LRIG3: variants seen among roughly 807,000 people sequenced by gnomAD.
The protein encoded by LRIG3 is leucine-rich repeats and immunoglobulin-like domains protein 3.
LRIG3 carries 76 observed loss-of-function variants against 114.5 expected under a neutral mutation model. The observed-to-expected ratio is 0.66, with a 90% CI of 0.55 to 0.80. The LOEUF is 0.80. Ranked by LOEUF, LRIG3 falls within the 30% of genes least tolerant of loss-of-function variation. LRIG3 has a pLI of 0.00. For missense variants in LRIG3, 1,239 were observed against 1,382.8 expected, an observed-to-expected ratio of 0.90 and a Z score of 1.65; for synonymous variants, 512 against 519.8, an observed-to-expected ratio of 0.98 and a Z score of 0.20.
chr12:58,916,194 C>A (rs1342646030), intron 1 of LRIG3, among the ~76,000 whole-genome samples: 2 of 152,100 alleles, frequency 1.3e-5, no homozygotes, highest in African/African-American at 4.8e-5. Context: ...AAGATTCCTC[C>A]TACAAAAGAC....
At chr12:58,907,198 A>C (rs1872099013) in intron 3 of LRIG3, among the ~76,000 whole-genome samples, 1 of 152,156 alleles carries the variant, frequency 6.6e-6, no homozygotes, top group Non-Finnish European at 1.5e-5. Flanking sequence ...TGTTCAGAGC[A>C]CCTTGAAAGT....
chr12:58,888,602 C>T (rs183907015), intron 6 of LRIG3, 130 bp from the exon 7 acceptor site: 201 of 1,314,078 alleles, frequency 1.5e-4, no homozygotes, highest in Middle Eastern at 2.3e-4. Context: ...TATATGAAGA[C>T]GTCAGCAAAA....
rs555255259 is a variant in LRIG3, at chr12:58,885,087, T to G, written c.1244+744A>C. ...AGGAGTTACTAGGAGCTACTGGGAG[T>G]AGCGGCAGAGATTGTACAGGCAAGA... On this transcript the variant is annotated intron_variant, in intron 10 of 18. Transcript: ENST00000320743. 1.1e-4 allele frequency among the ~76,000 whole-genome samples: 16 copies of G among 152,016 alleles called. No individual in the cohort carries two copies. The South Asian group carries it at 2.9e-3, about 28-fold the overall frequency.
At chr12:58,906,272 CT>C (rs1403194363) in intron 3 of LRIG3, among the ~76,000 whole-genome samples, 2 of 152,156 alleles carry the variant, frequency 1.3e-5, no homozygotes, top group Non-Finnish European at 1.5e-5. Context: ...TAAAAGTTCC[CT>C]TTTTTTAAAA....
chr12:58,909,684 CATT>C (rs1320045520), intron 3 of LRIG3, among the ~76,000 whole-genome samples: 1 of 152,236 alleles, frequency 6.6e-6, no homozygotes, highest in Admixed American at 6.5e-5. Context: ...TAGACATCAG[CATT>C]ATTCTCATTT....
chr12:58,916,406 C>A (rs112063921), intron 1 of LRIG3, among the ~76,000 whole-genome samples: 27 of 152,260 alleles, frequency 1.8e-4, no homozygotes, highest in Middle Eastern at 3.4e-3. Context: ...CTGCTAAATA[C>A]TTACAGCTAT....
At chr12:58,918,335 G>A (rs982158931) in intron 1 of LRIG3, among the ~76,000 whole-genome samples, 1 of 152,262 alleles carries the variant, frequency 6.6e-6, no homozygotes, top group Admixed American at 6.5e-5. Context: ...CTACTTTTAA[G>A]ACAATGTTTA....
At chr12:58,918,231 A>T (rs1872548058) in intron 1 of LRIG3, among the ~76,000 whole-genome samples, 1 of 152,208 alleles carries the variant, frequency 6.6e-6, no homozygotes, top group Admixed American at 6.5e-5. Context: ...CTGCTGGTGG[A>T]AATGTAATTA....
chr12:58,895,689 G>A (rs1871615788), intron 3 of LRIG3, among the ~76,000 whole-genome samples: 1 of 152,180 alleles, frequency 6.6e-6, no homozygotes, highest in South Asian at 2.1e-4. Context: ...AATATCACAT[G>A]TACATTTTAG....
Position 58,920,459 on chromosome 12 carries a change from T to C in LRIG3, c.-224A>G. 1 of 391,318 alleles carries C rather than the reference T, an allele frequency of 2.6e-6. No individual in the cohort carries two copies. The allele number at this position is 391,318 out of a possible 1,614,324, so 24.2% of individuals were successfully genotyped here. ...AAAAGAACTGCCAACTGCAACAGAG[T>C]TGCAGCTTGAGCAGCGTCGGCTCGC... On this transcript the variant is annotated 5_prime_UTR_variant, in exon 1 of 19. Coordinates refer to ENST00000320743, the MANE Select transcript of LRIG3 (RefSeq NM_153377.5).
chr12:58,873,123 C>G (rs1286114564), intron 18 of LRIG3, among the ~76,000 whole-genome samples: 4 of 152,082 alleles, frequency 2.6e-5, no homozygotes, highest in Non-Finnish European at 5.9e-5. Context: ...TAAGTTTCCC[C>G]ACATCCTAGC....
chr12:58,906,536 G>C (rs191462288), intron 3 of LRIG3, among the ~76,000 whole-genome samples: 3 of 152,234 alleles, frequency 2.0e-5, no homozygotes, highest in Admixed American at 2.0e-4. Context: ...AATGTAATGA[G>C]AAATGCACGC....
At chr12:58,883,252 CAA>C (rs1427656359) in intron 11 of LRIG3, among the ~76,000 whole-genome samples, 2 of 152,166 alleles carry the variant, frequency 1.3e-5, no homozygotes, top group East Asian at 3.8e-4. Flanking sequence ...GTTGATTTAT[CAA>C]AAGTTCCTTA....
Position 58,920,389 on chromosome 12 carries a change from G to C in LRIG3, c.-154C>G. 2 of 505,694 alleles carry C rather than the reference G, an allele frequency of 4.0e-6. No homozygotes were observed. The highest frequency in any genetic ancestry group is 2.0e-5 in the African/African-American group (1 of 49,754). The allele number at this position is 505,694 out of a possible 1,614,324, so 31.3% of individuals were successfully genotyped here. A position where few individuals can be genotyped will look rare whatever the true frequency, so the allele number is the denominator to read the frequency against. On this transcript the variant is annotated 5_prime_UTR_variant, in exon 1 of 19. Transcript: ENST00000320743. ...CCGGTCAATTCCTTCTTTTACTCCC[G>C]GCGGCGAAGCCCTTTCATGCCCCCA...
At chr12:58,886,029 C>A in intron 9 of LRIG3, 127 bp from the exon 10 acceptor site, 1 of 414,458 alleles carries the variant, frequency 2.4e-6, no homozygotes, top group Non-Finnish European at 4.4e-6. Context: ...ACAATATATC[C>A]TGTAAAAATG....
At position 58,890,743 on chromosome 12, in the gene LRIG3, G is replaced by C. The variant is rs756630081; in HGVS notation, c.437C>G (p.Ser146Cys). 1.2e-6 allele frequency: 2 copies of C among 1,605,452 alleles called. No homozygotes were observed. The highest frequency in any genetic ancestry group is 1.1e-5 in the South Asian group (1 of 89,014). Residue 146 changes from serine (S) to cysteine (C), a missense_variant, in exon 4 of 19, where the codon TCC (serine) becomes TGC (cysteine). Coordinates refer to ENST00000320743, the MANE Select transcript of LRIG3 (RefSeq NM_153377.5). Reference protein sequence around the residue: ...ILPEHLKEFQSLETLDLSSNN... With the variant: ...ILPEHLKEFQCLETLDLSSNN... ...GCTGCTAAGGTCCAAAGTTTCAAGG[G>C]ACTGAAACTCTTTCAGATGTTCAGG... is the stretch of plus-strand genomic sequence containing the variant.
intron 3 of LRIG3, among the ~76,000 whole-genome samples, chr12:58,901,312 G>A (rs948727044): frequency 2.6e-5 from 4 of 152,184 alleles, no homozygotes; most frequent in African/African-American, 9.7e-5. Context: ...TTCTGGTTGA[G>A]AGATGACCCC....
At chr12:58,892,535 A>G (rs1027158933) in intron 3 of LRIG3, among the ~76,000 whole-genome samples, 4 of 152,200 alleles carry the variant, frequency 2.6e-5, no homozygotes, top group African/African-American at 7.2e-5. Context: ...TACCTCTTAC[A>G]TATTTTCACA....
Position 58,890,726 on chromosome 12 carries a change from G to C in LRIG3, c.454C>G (p.Leu152Val). The change falls in exon 4 of 19, where the codon CTT (leucine) becomes GTT (valine). Residue 152 changes from leucine to valine, a missense_variant. Transcript: ENST00000320743. ...KEFQSLETLD[L>V]SSNNISELQT... ...AGCTCTGAAATATTGTTGCTGCTAA[G>C]GTCCAAAGTTTCAAGGGACTGAAAC... 1 of 1,606,720 alleles carries C rather than the reference G, an allele frequency of 6.2e-7. No homozygotes were observed. Among genetic ancestry groups the C allele is most frequent in the Non-Finnish European group, 8.5e-7 (1 of 1,177,070 alleles).
Sources: gnomAD v4.1 joint callset for allele counts (sites outside exome capture counted in the v4.1 genomes callset) on GRCh38, gnomAD v4.1.1 for gene constraint, MANE v1.5 for transcripts, NCBI Gene and HGNC (gene_info 2026-07-23, HGNC 2026-07-21) for gene names.